The following PTP4A3 variants were observed in gnomAD, a reference collection of about 807,000 sequenced individuals.
PTP4A3 encodes protein tyrosine phosphatase 4A3, also known as protein tyrosine phosphatase type IVA 3.
A neutral mutation model predicts 15.2 loss-of-function variants in PTP4A3; 9 were observed. The observed-to-expected ratio is 0.59, with a 90% CI of 0.36 to 1.03. The LOEUF (loss-of-function observed/expected upper bound fraction) is 1.03, where lower values mean the gene tolerates loss of function less well. PTP4A3 is among the 50% of genes least tolerant of loss of function. The probability of loss-of-function intolerance (pLI) is 0.02; values close to 1 mark genes in which losing one functional copy is unlikely to be tolerated. For synonymous variants in PTP4A3, 95 were observed against 102.0 expected (o/e 0.93, Z 0.41); for missense variants, 234 against 252.1 (o/e 0.93, Z 0.49).
Position 141,428,758 on chromosome 8 carries a change from A to G in PTP4A3, c.404+934A>G, listed in dbSNP as rs974452647. Among the ~76,000 whole-genome samples, 14 of 152,346 alleles carry G rather than the reference A, an allele frequency of 9.2e-5. No homozygotes were observed. In the East Asian group the frequency reaches 2.7e-3, roughly 29 times the overall value. On this transcript the variant is annotated intron_variant, in intron 5 of 5. Coordinates refer to ENST00000521578, the MANE Select transcript of PTP4A3 (RefSeq NM_032611.3). ...ACGCATGGGGGTCATACAGGCACAC[A>G]TTCACAAGCACATGTGTGCCCACAC...
At chr8:141,426,301 C>T (rs1298547962) in intron 3 of PTP4A3, among the ~76,000 whole-genome samples, 1 of 152,160 alleles carries the variant, frequency 6.6e-6, no homozygotes, top group African/African-American at 2.4e-5. Context: ...ACTCACGTTG[C>T]CCACCGATCT....
At chr8:141,426,419 T>C in intron 3 of PTP4A3, 1 of 984,782 alleles carries the variant, frequency 1.0e-6, no homozygotes, top group Non-Finnish European at 1.2e-6. Context: ...TTTCGAGTCC[T>C]GCCCTCAGAA....
intron 1 of PTP4A3, among the ~76,000 whole-genome samples, chr8:141,408,175 G>A (rs1832778071): frequency 1.3e-5 from 2 of 152,192 alleles, no homozygotes; most frequent in South Asian, 4.1e-4. Context: ...AGTCCACAGA[G>A]ACAGAAAGCA....
chr8:141,426,374 A>G (rs888204146), intron 3 of PTP4A3: 1 of 923,274 alleles, frequency 1.1e-6, no homozygotes, highest in East Asian at 1.2e-4. Context: ...ATTAACCCCC[A>G]GGAGCAATGG....
intron 1 of PTP4A3, among the ~76,000 whole-genome samples, chr8:141,412,925 T>C (rs1046261543): frequency 5.3e-4 from 80 of 152,216 alleles, no homozygotes; most frequent in African/African-American, 1.8e-3. Context: ...CCAGGCCCAG[T>C]GGGCTCAGGG....
rs1035800732 is a variant in PTP4A3, at chr8:141,406,258, C to A, written c.-854+14174C>A. On this transcript the variant is annotated intron_variant, in intron 1 of 5. Coordinates refer to ENST00000521578, the MANE Select transcript of PTP4A3 (RefSeq NM_032611.3). The surrounding 1 kb of genome is among the most constrained non-coding windows in gnomAD (Gnocchi z 4.5). The stretch of plus-strand genomic sequence containing the variant: ...GTCGGCCACCCACGGCTGCTTCCTG[C>A]CCCATCTGGGGATTCCGGGGACTTT... 6.6e-6 allele frequency among the ~76,000 whole-genome samples: 1 copy of A among 152,144 alleles called. No individual in the cohort carries two copies. Among genetic ancestry groups the A allele is most frequent in the Non-Finnish European group, 1.5e-5 (1 of 68,028 alleles).
chr8:141,410,015 C>T (rs1031286436), intron 1 of PTP4A3, among the ~76,000 whole-genome samples: 13 of 152,252 alleles, frequency 8.5e-5, no homozygotes, highest in Non-Finnish European at 1.6e-4. Flanking sequence ...ACGGCTGTGA[C>T]GAACATGGGG....
chr8:141,401,221 G>C lies in PTP4A3; in HGVS notation c.-854+9137G>C, dbSNP rs139859527. Among the ~76,000 whole-genome samples the C allele has an allele frequency of 2.4e-3, 373 of 152,322 alleles. 5 individuals carry two copies. The highest frequency in any genetic ancestry group is 6.8e-3 in the Middle Eastern group (2 of 294). ...GGCTGGCACTCTGCTAGGTAGCACA[G>C]TTGGGGAGTGGCAGTGCTGGGATGG... On this transcript the variant is annotated intron_variant, in intron 1 of 5. Coordinates refer to ENST00000521578, the MANE Select transcript of PTP4A3 (RefSeq NM_032611.3).
intron 2 of PTP4A3, 34 bp downstream of exon 2, chr8:141,422,379 C>T (rs1833375613): frequency 1.9e-6 from 3 of 1,610,532 alleles, no homozygotes; most frequent in Middle Eastern, 1.7e-4. Flanking sequence ...AGGCAGGTGG[C>T]CCAGGTGTCT....
At chr8:141,408,270 G>T (rs569837852) in intron 1 of PTP4A3, among the ~76,000 whole-genome samples, 1 of 152,200 alleles carries the variant, frequency 6.6e-6, no homozygotes, top group Non-Finnish European at 1.5e-5. Context: ...GGAATTAGTG[G>T]TGATGATTAC....
intron 5 of PTP4A3, among the ~76,000 whole-genome samples, chr8:141,428,481 C>T (rs1463108195): frequency 6.6e-6 from 1 of 152,210 alleles, no homozygotes; most frequent in Non-Finnish European, 1.5e-5. Context: ...CCCAGCCCAC[C>T]ATGTGTGTGC....
chr8:141,401,730 G>T (rs1273197781), intron 1 of PTP4A3, among the ~76,000 whole-genome samples: 1 of 152,224 alleles, frequency 6.6e-6, no homozygotes, highest in East Asian at 1.9e-4. Context: ...CTGTGCTGTG[G>T]AGTCCCAGGA....
Position 141,419,845 on chromosome 8 carries a change from C to G in PTP4A3, c.-853-1543C>G, listed in dbSNP as rs574829640. On this transcript the variant is annotated intron_variant, in intron 1 of 5. Transcript: ENST00000521578. ...CCGCCCGCCTTGGCCTCCCAAAATG[C>G]TGGGATTACAGGAGTGAGCCACTGC... Among the ~76,000 whole-genome samples the G allele has an allele frequency of 2.9e-3, 435 of 152,320 alleles. 4 individuals carry two copies. Among genetic ancestry groups the G allele is most frequent in the African/African-American group, 0.01 (425 of 41,566 alleles).
chr8:141,422,983 C>T (rs1045965047), intron 2 of PTP4A3, among the ~76,000 whole-genome samples: 18 of 152,228 alleles, frequency 1.2e-4, no homozygotes, highest in African/African-American at 2.9e-4. Flanking sequence ...CTCTGCAGAA[C>T]GCCCTGCTGT....
chr8:141,395,300 G>A (rs1379623440), intron 1 of PTP4A3, among the ~76,000 whole-genome samples: 1 of 152,240 alleles, frequency 6.6e-6, no homozygotes, highest in Non-Finnish European at 1.5e-5. Flanking sequence ...TTGTACAAAA[G>A]ACAGTTCAGA....
chr8:141,427,179 C>A, intron 4 of PTP4A3, 110 bp downstream of exon 4: 1 of 1,469,786 alleles, frequency 6.8e-7, no homozygotes, highest in Non-Finnish European at 9.1e-7. Flanking sequence ...CGCGACCTTC[C>A]CAGGAGGCCC....
chr8:141,403,861 C>T (rs1832660665), intron 1 of PTP4A3, among the ~76,000 whole-genome samples: 2 of 152,258 alleles, frequency 1.3e-5, no homozygotes, highest in African/African-American at 2.4e-5. Context: ...GCCACGCATT[C>T]GTCTGACTAT....
chr8:141,400,202 G>T (rs919545447), intron 1 of PTP4A3, among the ~76,000 whole-genome samples: 6 of 152,114 alleles, frequency 3.9e-5, no homozygotes, highest in Non-Finnish European at 7.4e-5. Context: ...CCACCACTGT[G>T]CCTGGCCTGC....
In PTP4A3 at chr8:141,400,614, C is replaced by T. The variant is rs377055904; in HGVS notation, c.-854+8530C>T. On this transcript the variant is annotated intron_variant, in intron 1 of 5. Transcript: ENST00000521578. ...TGAGGCCATGGACAGCCAGGATGTG[C>T]GTCTCGGCACCGGGGTGAGTCTTTC... 5.8e-4 allele frequency among the ~76,000 whole-genome samples: 88 copies of T among 152,300 alleles called. 2 individuals are homozygous for T. The South Asian group carries it at 0.018, about 31-fold the overall frequency.
Sources: gnomAD v4.1 joint callset for allele counts (sites outside exome capture counted in the v4.1 genomes callset) on GRCh38, gnomAD v4.1.1 for gene constraint, Gnocchi (gnomAD v3.1) non-coding constraint, MANE v1.5 for transcripts, NCBI Gene and HGNC (gene_info 2026-07-23, HGNC 2026-07-21) for gene names.